Variants in GPBP1L1 observed in about 807,000 individuals in gnomAD.
GPBP1L1 encodes vasculin-like protein 1.
Under a neutral mutation model 52.5 loss-of-function variants are expected in GPBP1L1, and 23 were observed. That is an observed-to-expected ratio of 0.44 (90% CI 0.32 to 0.62). GPBP1L1 has a LOEUF of 0.62. Among genes scored for constraint, GPBP1L1 ranks in the 20% least tolerant of loss-of-function variants. The pLI, the probability that GPBP1L1 is intolerant of heterozygous loss-of-function variation, is 0.06. For missense variants in GPBP1L1, 596 were observed against 579.3 expected, an observed-to-expected ratio of 1.03 and a Z score of -0.30; for synonymous variants, 243 against 203.1, an observed-to-expected ratio of 1.20 and a Z score of -1.67.
chr1:45,628,849 A>T (rs1644492162), intron 12 of GPBP1L1, among the ~76,000 whole-genome samples: 1 of 152,080 alleles, frequency 6.6e-6, no homozygotes, highest in Non-Finnish European at 1.5e-5. Flanking sequence ...TTTTTAGTAG[A>T]GATGGGGCTT....
intron 6 of GPBP1L1, 173 bp downstream of exon 6, chr1:45,654,368 TTG>T: frequency 3.4e-6 from 2 of 580,016 alleles, no homozygotes; most frequent in Non-Finnish European, 5.6e-6. Context: ...CATAGGAGTT[TTG>T]GTCACCATTT....
At chr1:45,678,551 T>C (rs956077838) in intron 2 of GPBP1L1, among the ~76,000 whole-genome samples, 1 of 152,162 alleles carries the variant, frequency 6.6e-6, no homozygotes, top group African/African-American at 2.4e-5. Flanking sequence ...TCCATCAATC[T>C]GTCAGCTATA....
At chr1:45,633,739 G>C in intron 9 of GPBP1L1, 92 bp from the exon 10 acceptor site, 1 of 1,293,594 alleles carries the variant, frequency 7.7e-7, no homozygotes, top group South Asian at 1.4e-5. Flanking sequence ...GAATCTGGTA[G>C]CCTATTTATC....
chr1:45,669,057 A>G (rs1645043484), intron 2 of GPBP1L1, among the ~76,000 whole-genome samples: 1 of 152,244 alleles, frequency 6.6e-6, no homozygotes, highest in Admixed American at 6.5e-5. Flanking sequence ...CATAATTTTG[A>G]GCACATCTTC....
At chr1:45,630,013 C>CA (rs1025275505) in intron 11 of GPBP1L1, among the ~76,000 whole-genome samples, 3 of 151,042 alleles carry the variant, frequency 2.0e-5, no homozygotes, top group Non-Finnish European at 4.4e-5. Flanking sequence ...TGCAGTGGTA[C>CA]AATCTCAGCT....
intron 10 of GPBP1L1, among the ~76,000 whole-genome samples, chr1:45,631,506 G>A (rs918572057): frequency 6.6e-6 from 1 of 152,034 alleles, no homozygotes; most frequent in Non-Finnish European, 1.5e-5. Context: ...CAGGTGATCC[G>A]CCCACCTCAG....
At chr1:45,630,258 AAAAGTATT>A (rs1454546793) in intron 11 of GPBP1L1, among the ~76,000 whole-genome samples, 2 of 152,120 alleles carry the variant, frequency 1.3e-5, no homozygotes, top group Non-Finnish European at 2.9e-5. Context: ...GCCTGAAGTT[AAAAGTATT>A]AAAGTATTGG....
At chr1:45,681,484 C>G (rs955974089) in intron 2 of GPBP1L1, among the ~76,000 whole-genome samples, 1 of 152,102 alleles carries the variant, frequency 6.6e-6, no homozygotes, top group Non-Finnish European at 1.5e-5. Context: ...TTTGTGGGAC[C>G]TAGATCCTGA....
In GPBP1L1 at chr1:45,642,422, C is replaced by T; in HGVS notation, c.550+5G>A. On this transcript the variant is annotated splice_donor_5th_base_variant and intron_variant, in intron 7 of 12. Transcript: ENST00000355105. ...TGTGCCTTTAAAATGGCAAAATCTA[C>T]CTACCCCATACTCCAGAAGGTGTCC... is the stretch of plus-strand genomic sequence containing the variant. The T allele has an allele frequency of 1.2e-6, 2 of 1,609,284 alleles. No homozygotes were observed. Among genetic ancestry groups the T allele is most frequent in the Non-Finnish European group, 8.5e-7 (1 of 1,176,600 alleles).
chr1:45,633,173 G>A (rs962058525), intron 10 of GPBP1L1, among the ~76,000 whole-genome samples: 2 of 152,178 alleles, frequency 1.3e-5, no homozygotes, highest in African/African-American at 4.8e-5. Context: ...TTACCCAAAG[G>A]AGTTGAACTT....
intron 2 of GPBP1L1, among the ~76,000 whole-genome samples, chr1:45,673,339 C>T (rs531521366): frequency 2.1e-4 from 32 of 152,132 alleles, no homozygotes; most frequent in Non-Finnish European, 4.1e-4. Flanking sequence ...AGAATTAAAG[C>T]GTGAAACTGA....
At chr1:45,663,471 G>C (rs1394263806) in intron 2 of GPBP1L1, among the ~76,000 whole-genome samples, 2 of 152,180 alleles carry the variant, frequency 1.3e-5, no homozygotes, top group African/African-American at 2.4e-5. Flanking sequence ...GACTGTAGAA[G>C]AAATACTAAC....
At chr1:45,675,507 G>A (rs762447944) in intron 2 of GPBP1L1, among the ~76,000 whole-genome samples, 1 of 151,924 alleles carries the variant, frequency 6.6e-6, no homozygotes, top group African/African-American at 2.4e-5. Context: ...ATTTTTTAAA[G>A]GTGTTGACAA....
chr1:45,684,578 T>TC (rs1196485891), intron 2 of GPBP1L1, among the ~76,000 whole-genome samples: 1 of 151,918 alleles, frequency 6.6e-6, no homozygotes, highest in East Asian at 1.9e-4. Flanking sequence ...AATAAAGGTT[T>TC]CCCCAAGAGT....
At chr1:45,631,638 A>T (rs1360336837) in intron 10 of GPBP1L1, among the ~76,000 whole-genome samples, 1 of 152,172 alleles carries the variant, frequency 6.6e-6, no homozygotes, top group Admixed American at 6.6e-5. Context: ...AGAGAATTAA[A>T]AGACAGTGTA....
Position 45,652,589 on chromosome 1 carries a change from AATATT to A in GPBP1L1, c.477+1949_477+1953del, listed in dbSNP as rs1644831790. 3.3e-5 allele frequency among the ~76,000 whole-genome samples: 5 copies of A among 152,236 alleles called. 1 individual carries two copies. The South Asian group carries it at 1.0e-3, about 31-fold the overall frequency. ...TATATGCACAGTTGGCTATGGTTAT[AATATT>A]AGATATACTCTAAATATTTCATTTC... On this transcript the variant is annotated intron_variant, in intron 6 of 12. Coordinates refer to ENST00000355105, the MANE Select transcript of GPBP1L1 (RefSeq NM_021639.5).
chr1:45,680,071 C>A (rs974861110), intron 2 of GPBP1L1, among the ~76,000 whole-genome samples: 1 of 151,946 alleles, frequency 6.6e-6, no homozygotes, highest in Non-Finnish European at 1.5e-5. Context: ...CAGAGCAAGA[C>A]CCTGTCTCTA....
intron 8 of GPBP1L1, among the ~76,000 whole-genome samples, chr1:45,638,195 C>A (rs766270298): frequency 2.0e-5 from 3 of 152,204 alleles, no homozygotes; most frequent in Non-Finnish European, 2.9e-5. Flanking sequence ...CTTTAATGAT[C>A]TCTTCCAAGT....
intron 6 of GPBP1L1, among the ~76,000 whole-genome samples, chr1:45,643,379 C>T (rs1160443436): frequency 6.6e-6 from 1 of 152,116 alleles, no homozygotes; most frequent in Non-Finnish European, 1.5e-5. Context: ...TAATGAGGAT[C>T]CATCTTTCAT....
Sources: gnomAD v4.1 joint callset for allele counts (sites outside exome capture counted in the v4.1 genomes callset) on GRCh38, gnomAD v4.1.1 for gene constraint, MANE v1.5 for transcripts, NCBI Gene and HGNC (gene_info 2026-07-23, HGNC 2026-07-21) for gene names.